The following SAMD5 variants were observed in gnomAD, a reference collection of about 807,000 sequenced individuals.
SAMD5 encodes the protein sterile alpha motif domain containing 5.
A neutral mutation model predicts 11.3 loss-of-function variants in SAMD5; 13 were observed. The observed-to-expected ratio is 1.15, with a 90% CI of 0.75 to 1.83. SAMD5 has a LOEUF of 1.83. Among genes scored for constraint, SAMD5 ranks in the 40% most tolerant of loss-of-function variants. The pLI, the probability that SAMD5 is intolerant of heterozygous loss-of-function variation, is 0.00. For missense variants in SAMD5, 255 were observed against 239.1 expected (o/e 1.07, Z -0.44); for synonymous variants, 129 against 111.3 (o/e 1.16, Z -1.00).
chr6:147,763,685 C>G, the SAMD5 span, among the ~76,000 whole-genome samples: 1 of 151,944 alleles, frequency 6.6e-6, no homozygotes, highest in African/African-American at 2.4e-5. Context: ...TGGCTTCAAG[C>G]CATTCTCTTG....
chr6:147,839,648 G>A, the SAMD5 span, among the ~76,000 whole-genome samples: 1 of 152,156 alleles, frequency 6.6e-6, no homozygotes, highest in Non-Finnish European at 1.5e-5. Context: ...TACTCGGGAG[G>A]CTGAGGCAGG....
chr6:147,880,408 G>GCCC, the SAMD5 span, among the ~76,000 whole-genome samples: 5 of 151,950 alleles, frequency 3.3e-5, no homozygotes, highest in Admixed American at 3.3e-4. Flanking sequence ...GATGACCTCT[G>GCCC]CCCCCTTCTG....
chr6:147,902,381 G>C, the SAMD5 span, among the ~76,000 whole-genome samples: 1 of 151,160 alleles, frequency 6.6e-6, no homozygotes, highest in Non-Finnish European at 1.5e-5. Context: ...TCTTTGTTCC[G>C]CATCTTCTTA....
At chr6:147,918,767 G>A in the SAMD5 span, among the ~76,000 whole-genome samples, 3 of 144,262 alleles carry the variant, frequency 2.1e-5, no homozygotes, top group Admixed American at 7.3e-5. Flanking sequence ...GCGTGATCTC[G>A]GCTCACTGCA....
chr6:147,640,833 T>G (rs888985542), intron 1 of SAMD5, among the ~76,000 whole-genome samples: 1 of 152,242 alleles, frequency 6.6e-6, no homozygotes, highest in African/African-American at 2.4e-5. Flanking sequence ...GCTATTGACC[T>G]ACAAAGTTAG....
intron 1 of SAMD5, among the ~76,000 whole-genome samples, chr6:147,728,031 TAAATG>T (rs1791654419): frequency 6.6e-6 from 1 of 152,154 alleles, no homozygotes; most frequent in African/African-American, 2.4e-5. Context: ...TTCCAATCAG[TAAATG>T]AAAATTAAAT....
At chr6:147,522,988 C>A (rs981646312) in intron 1 of SAMD5, among the ~76,000 whole-genome samples, 2 of 152,044 alleles carry the variant, frequency 1.3e-5, no homozygotes, top group African/African-American at 4.8e-5. Context: ...TAAAGAGGGG[C>A]TTTTTTTCTC....
At chr6:147,679,924 G>T (rs1269322538) in intron 1 of SAMD5, among the ~76,000 whole-genome samples, 1 of 151,520 alleles carries the variant, frequency 6.6e-6, no homozygotes, top group African/African-American at 2.4e-5. Context: ...ATATATTGTG[G>T]TTCTATTTCT....
At chr6:147,596,714 T>C (rs1354128526) in intron 1 of SAMD5, among the ~76,000 whole-genome samples, 1 of 152,204 alleles carries the variant, frequency 6.6e-6, no homozygotes, top group Non-Finnish European at 1.5e-5. Flanking sequence ...AAACAATATT[T>C]CTTTTACAGT....
chr6:147,819,005 C>T, the SAMD5 span, among the ~76,000 whole-genome samples: 1 of 152,146 alleles, frequency 6.6e-6, no homozygotes, highest in African/African-American at 2.4e-5. Context: ...ATAAATCGTT[C>T]TACCATAAAG....
At chr6:147,930,175 C>A in the SAMD5 span, among the ~76,000 whole-genome samples, 1 of 152,276 alleles carries the variant, frequency 6.6e-6, no homozygotes, top group Non-Finnish European at 1.5e-5. Context: ...AACCTTTGCT[C>A]CAGTTCCCAA....
chr6:147,539,488 A>G (rs761761656), intron 1 of SAMD5, among the ~76,000 whole-genome samples: 1 of 152,172 alleles, frequency 6.6e-6, no homozygotes, highest in Non-Finnish European at 1.5e-5. Flanking sequence ...CCAAAACTCA[A>G]AACCGTCAGA....
chr6:147,671,688 ATTTC>A (rs1790797380), intron 1 of SAMD5, among the ~76,000 whole-genome samples: 1 of 151,906 alleles, frequency 6.6e-6, no homozygotes, highest in Non-Finnish European at 1.5e-5. Flanking sequence ...TTACTTAATT[ATTTC>A]TTCTGTTTTC....
chr6:147,525,667 C>A (rs2128440565), intron 1 of SAMD5, among the ~76,000 whole-genome samples: 1 of 152,090 alleles, frequency 6.6e-6, no homozygotes, highest in Admixed American at 6.5e-5. Context: ...AAGGTGTGAG[C>A]TATGGGGGTT....
At chr6:147,882,336 A>G in the SAMD5 span, among the ~76,000 whole-genome samples, 1 of 152,214 alleles carries the variant, frequency 6.6e-6, no homozygotes, top group African/African-American at 2.4e-5. Context: ...ACAAAGTCCC[A>G]TTAGGAACTT....
chr6:147,676,947 G>T (rs1790872415), intron 1 of SAMD5, among the ~76,000 whole-genome samples: 2 of 152,020 alleles, frequency 1.3e-5, no homozygotes, highest in African/African-American at 2.4e-5. Context: ...AGATGGTGAG[G>T]GGCCAGATAA....
At chr6:147,870,122 A>G in the SAMD5 span, among the ~76,000 whole-genome samples, 2 of 152,138 alleles carry the variant, frequency 1.3e-5, no homozygotes, top group African/African-American at 4.8e-5. Flanking sequence ...CTAATGAGCC[A>G]CCTTTCAAGG....
the SAMD5 span, among the ~76,000 whole-genome samples, chr6:147,793,874 A>T: frequency 1.3e-5 from 2 of 152,248 alleles, no homozygotes; most frequent in East Asian, 3.9e-4. Context: ...CTTCTTCAGT[A>T]TTATGTTGGC....
In SAMD5 at chr6:147,522,621, C is replaced by T. The variant is rs77033976; in HGVS notation, c.459+13234C>T. Reference sequence around the variant, plus strand: ...TGAGGAATTCATAATAATCTTACTCCAAGACCATTATACATTCTTTTACAC... The same window carrying T: ...TGAGGAATTCATAATAATCTTACTCTAAGACCATTATACATTCTTTTACAC... On this transcript the variant is annotated intron_variant, in intron 1 of 1. Transcript: ENST00000367474. Among the ~76,000 whole-genome samples, 881 of 152,236 alleles carry T rather than the reference C, an allele frequency of 5.8e-3. 7 individuals are homozygous for T. Among genetic ancestry groups the T allele is most frequent in the African/African-American group, 0.019 (783 of 41,536 alleles).
Sources: allele counts gnomAD v4.1 joint callset (sites outside exome capture counted in the v4.1 genomes callset), GRCh38; gene constraint gnomAD v4.1.1; transcripts MANE v1.5; gene names NCBI Gene and HGNC (gene_info 2026-07-23, HGNC 2026-07-21).